The following BOK variants were observed in gnomAD, a reference collection of about 807,000 sequenced individuals.
BOK encodes the protein BCL2 family apoptosis regulator BOK.
BOK carries 20 observed loss-of-function variants against 18.3 expected under a neutral mutation model. That is an observed-to-expected ratio of 1.09 (90% CI 0.77 to 1.59). BOK has a LOEUF of 1.59. Ranked by LOEUF, BOK falls within the 40% of genes most tolerant of loss-of-function variation. The pLI, the probability that BOK is intolerant of heterozygous loss-of-function variation, is 0.00. For synonymous variants in BOK, 173 were observed against 142.4 expected, an observed-to-expected ratio of 1.21 and a Z score of -1.53; for missense variants, 348 against 307.9, an observed-to-expected ratio of 1.13 and a Z score of -0.97.
chr2:241,572,091 C>A (rs1328118562), intron 4 of BOK, among the ~76,000 whole-genome samples: 2 of 152,238 alleles, frequency 1.3e-5, no homozygotes, highest in Admixed American at 1.3e-4. Flanking sequence ...CCTGGCCCTT[C>A]ACACTGTCTG....
rs1230353092 is a variant in BOK, at chr2:241,567,591, G to C, written c.350-2534G>C. On this transcript the variant is annotated intron_variant, in intron 3 of 4. Transcript: ENST00000318407. Reference sequence around the variant, plus strand: ...GCGGGTAGAGCAGGGGCTGTGCCGGGTGTGCGCATCCCACCAATGACAAGG... The same window carrying C: ...GCGGGTAGAGCAGGGGCTGTGCCGGCTGTGCGCATCCCACCAATGACAAGG... 3.7e-5 allele frequency among the ~76,000 whole-genome samples: 5 copies of C among 134,710 alleles called. 1 individual carries two copies. In the Admixed American group the frequency reaches 3.7e-4, roughly 10 times the overall value. The allele number at this position is 134,710 out of a possible 152,430, so 88.4% of individuals were successfully genotyped here.
At chr2:241,559,423 C>T in intron 1 of BOK, 32 bp from the exon 2 acceptor site, 2 of 1,283,396 alleles carry the variant, frequency 1.6e-6, no homozygotes, top group Non-Finnish European at 2.0e-6. Context: ...CGCGCCGCCT[C>T]CCTCCACCCG....
At chr2:241,557,291 TTTTA>T (rs2066460076), upstream of BOK, among the ~76,000 whole-genome samples, 1 of 148,622 alleles carries the variant, frequency 6.7e-6, no homozygotes, top group South Asian at 2.1e-4. Context: ...AGAGCAGTAA[TTTTA>T]TTTTTCTTTT....
In BOK at chr2:241,572,347, C is replaced by A. The variant is rs1412120404; in HGVS notation, c.564C>A (p.His188Gln). The part of the protein sequence containing the change: ...VVSTDPGLRS[H>Q]WLVAALCSFG... ...GCACAGACCCTGGCCTCCGCTCCCA[C>A]TGGCTGGTGGCTGCACTCTGCAGCT... Residue 188 changes from histidine to glutamine, a missense_variant, in exon 5 of 5, where the codon CAC becomes CAA. His to Gln is a conservative substitution (Grantham distance 24). Transcript: ENST00000318407. 1 of 1,610,262 alleles carries A rather than the reference C, an allele frequency of 6.2e-7. No individual in the cohort carries two copies. The highest frequency in any genetic ancestry group is 1.7e-5 in the Admixed American group (1 of 59,932).
At chr2:241,553,492 C>T (rs1008574793) in intron 1 of BOK, among the ~76,000 whole-genome samples, 2 of 152,150 alleles carry the variant, frequency 1.3e-5, no homozygotes, top group Non-Finnish European at 2.9e-5. Flanking sequence ...TTAATTGGCT[C>T]ACGGTTCCAC....
At chr2:241,553,795 C>G (rs2066431556), upstream of BOK, among the ~76,000 whole-genome samples, 1 of 152,216 alleles carries the variant, frequency 6.6e-6, no homozygotes, top group Non-Finnish European at 1.5e-5. Flanking sequence ...ACCCACACAA[C>G]TCACTTCAGG....
rs1372334728 is a variant in BOK, at chr2:241,566,817, G to A, written c.350-3308G>A. ...CAGGGTAGGTAAATCTACAGAGACA[G>A]AAAGTAAGATGAGTGGCTGCCAGGG... On this transcript the variant is annotated intron_variant, in intron 3 of 4. Transcript: ENST00000318407. 6.7e-5 allele frequency among the ~76,000 whole-genome samples: 9 copies of A among 134,362 alleles called. 2 individuals carry two copies. Among genetic ancestry groups the A allele is most frequent in the Admixed American group, 6.0e-4 (8 of 13,304 alleles). 88.1% of individuals were successfully genotyped at this position (134,362 alleles called of 152,430 possible).
At chr2:241,569,876 AC>A (rs2066678360) in intron 3 of BOK, among the ~76,000 whole-genome samples, 1 of 152,022 alleles carries the variant, frequency 6.6e-6, no homozygotes, top group Admixed American at 6.5e-5. Context: ...CCCTCGCCTC[AC>A]CCCACGTTGT....
chr2:241,572,267 C>T, intron 4 of BOK, 30 bp from the exon 5 acceptor site: 5 of 1,603,874 alleles, frequency 3.1e-6, no homozygotes, highest in Non-Finnish European at 4.3e-6. Flanking sequence ...GCTGGCTCTG[C>T]TTTCTAACGG....
At chr2:241,557,147 T>C (rs778991253), upstream of BOK, among the ~76,000 whole-genome samples, 9 of 152,144 alleles carry the variant, frequency 5.9e-5, no homozygotes, top group Non-Finnish European at 1.2e-4. Flanking sequence ...TATTAATCTC[T>C]TCAAAGAACC....
In BOK at chr2:241,562,618, G is replaced by A. The variant is rs2066547462; in HGVS notation, c.349+142G>A. The stretch of plus-strand genomic sequence containing the variant: ...CCGGTGCCATCTCACTGCTGCAGGT[G>A]TCAGGAGCTGCCCAGCCACCAGCGT... On this transcript the variant is annotated intron_variant, in intron 3 of 4. Transcript: ENST00000318407. The surrounding 1 kb of genome is among the most constrained non-coding windows in gnomAD (Gnocchi z 4.5). The A allele has an allele frequency of 8.6e-7, 1 of 1,157,038 alleles. No homozygotes were observed. Among genetic ancestry groups the A allele is most frequent in the Non-Finnish European group, 1.2e-6 (1 of 858,506 alleles). The allele number at this position is 1,157,038 out of a possible 1,614,324, so 71.7% of individuals were successfully genotyped here. A position where few individuals can be genotyped will look rare whatever the true frequency, so the allele number is the denominator to read the frequency against.
chr2:241,572,684 C>G lies in BOK; in HGVS notation c.*262C>G, dbSNP rs548348819. 1.3e-4 allele frequency: 71 copies of G among 532,984 alleles called. No homozygotes were observed. The highest frequency in any genetic ancestry group is 1.3e-3 in the African/African-American group (69 of 52,866). 33.0% of individuals were successfully genotyped at this position (532,984 alleles called of 1,614,324 possible). A position where few individuals can be genotyped will look rare whatever the true frequency, so the allele number is the denominator to read the frequency against. ...CTTCTCCTGTGATCTCTGTGTTTTC[C>G]CTTTTCTTTCTGGGGCCAGGAAGTC... On this transcript the variant is annotated 3_prime_UTR_variant, in exon 5 of 5. Coordinates refer to ENST00000318407, the MANE Select transcript of BOK (RefSeq NM_032515.5).
chr2:241,568,564 C>T (rs1277209435), intron 3 of BOK, among the ~76,000 whole-genome samples: 1 of 152,092 alleles, frequency 6.6e-6, no homozygotes, highest in Non-Finnish European at 1.5e-5. Context: ...ATTACAGGCG[C>T]CCACCACCAT....
intron 4 of BOK, among the ~76,000 whole-genome samples, chr2:241,571,802 G>A (rs13416312): frequency 0.12 from 18,259 of 152,320 alleles, 1,284 homozygotes; most frequent in Middle Eastern, 0.21. Flanking sequence ...CAGGGAGTCC[G>A]TGGGCTTCCG....
chr2:241,570,083 GCGGGATTCAAGTC>G, intron 3 of BOK, 29 bp from the exon 4 acceptor site: 1 of 1,589,428 alleles, frequency 6.3e-7, no homozygotes, highest in Non-Finnish European at 8.5e-7. Flanking sequence ...GCTCCCGTGG[GCGGGATTCAAGTC>G]CTGATCTTGA....
rs754978924 is a variant in BOK at position 241,560,042 on chromosome 2, C to G, written c.220+339C>G. On this transcript the variant is annotated intron_variant, in intron 2 of 4. Transcript: ENST00000318407. ...GGCACAGAAACCCTTTGTAGGAGCA[C>G]GTGTCCCGATGTTTATTTTGGAAAA... 6.1e-6 allele frequency: 6 copies of G among 980,996 alleles called. No homozygotes were observed. The South Asian group carries it at 2.8e-4, about 46-fold the overall frequency. 60.8% of individuals were successfully genotyped at this position (980,996 alleles called of 1,614,324 possible). A position where few individuals can be genotyped will look rare whatever the true frequency, so the allele number is the denominator to read the frequency against.
intron 4 of BOK, 78 bp from the exon 5 acceptor site, chr2:241,572,219 G>A (rs1019372179): frequency 3.5e-5 from 55 of 1,569,042 alleles, no homozygotes; most frequent in Admixed American, 8.8e-5. Context: ...TCTGGTGCAC[G>A]GTGCTGGGGG....
At position 241,562,514 on chromosome 2, in the gene BOK, G is replaced by A. The variant is rs1255872921; in HGVS notation, c.349+38G>A. ...TGCCCGTCCCATGGGACCTCAGGGA[G>A]GGATCCAGGGTCTGTGGCTCAGGCT... On this transcript the variant is annotated intron_variant, in intron 3 of 4. Transcript: ENST00000318407. The surrounding 1 kb of genome is among the most constrained non-coding windows in gnomAD (Gnocchi z 4.5). The A allele has an allele frequency of 1.3e-6, 2 of 1,575,150 alleles. No homozygotes were observed. Among genetic ancestry groups the A allele is most frequent in the Non-Finnish European group, 1.7e-6 (2 of 1,162,626 alleles).
In BOK at chr2:241,570,106, A is replaced by G; in HGVS notation, c.350-19A>G. The G allele has an allele frequency of 3.1e-6, 5 of 1,606,780 alleles. No homozygotes were observed. The highest frequency in any genetic ancestry group is 4.2e-6 in the Non-Finnish European group (5 of 1,177,552). On this transcript the variant is annotated intron_variant, in intron 3 of 4. Coordinates refer to ENST00000318407, the MANE Select transcript of BOK (RefSeq NM_032515.5). The stretch of plus-strand genomic sequence containing the variant: ...GGGCGGGATTCAAGTCCTGATCTTG[A>G]CCATCTCTCTCCCTGCAGGCATCAC...
Sources: gnomAD v4.1 joint callset for allele counts (sites outside exome capture counted in the v4.1 genomes callset) on GRCh38, gnomAD v4.1.1 for gene constraint, Gnocchi (gnomAD v3.1) non-coding constraint, MANE v1.5 for transcripts, NCBI Gene and HGNC (gene_info 2026-07-23, HGNC 2026-07-21) for gene names.